Variants in GPD1L observed in about 807,000 individuals in gnomAD.
GPD1L encodes glycerol-3-phosphate dehydrogenase 1-like protein.
GPD1L carries 17 observed loss-of-function variants against 32.9 expected under a neutral mutation model. The observed-to-expected ratio is 0.52, with a 90% CI of 0.35 to 0.78. The LOEUF (loss-of-function observed/expected upper bound fraction) is 0.78, where lower values mean the gene tolerates loss of function less well. Ranked by LOEUF, GPD1L falls within the 30% of genes least tolerant of loss-of-function variation. The probability of loss-of-function intolerance (pLI) is 0.01; values close to 1 mark genes in which losing one functional copy is unlikely to be tolerated. For synonymous variants in GPD1L, 187 were observed against 165.9 expected (o/e 1.13, Z -0.98); for missense variants, 361 against 447.8 (o/e 0.81, Z 1.75).
intron 6 of GPD1L, 45 bp from the exon 7 acceptor site, chr3:32,159,523 G>T: frequency 9.3e-7 from 1 of 1,074,892 alleles, no homozygotes; most frequent in Non-Finnish European, 1.4e-6. Flanking sequence ...TGATTCTTTA[G>T]TCTTTACCAT....
intron 7 of GPD1L, among the ~76,000 whole-genome samples, chr3:32,164,604 A>C (rs1283056602): frequency 6.6e-6 from 1 of 152,244 alleles, no homozygotes; most frequent in Non-Finnish European, 1.5e-5. Context: ...ATGGGCAAAC[A>C]GGGTCAGAAG....
At chr3:32,109,071 A>G (rs929083539) in intron 1 of GPD1L, among the ~76,000 whole-genome samples, 5 of 151,904 alleles carry the variant, frequency 3.3e-5, no homozygotes, top group Non-Finnish European at 7.4e-5. Flanking sequence ...GGATGGTCTC[A>G]ATCTCCTGAC....
intron 1 of GPD1L, among the ~76,000 whole-genome samples, chr3:32,116,083 C>T (rs949308557): frequency 7.9e-5 from 12 of 152,018 alleles, no homozygotes; most frequent in South Asian, 2.1e-4. Context: ...CCACCGTGCC[C>T]GGCCAGGTTG....
At position 32,138,868 on chromosome 3, in the gene GPD1L, G is replaced by C. The variant is rs150334706; in HGVS notation, c.366+141G>C. 2.2e-4 allele frequency: 187 copies of C among 853,706 alleles called. 1 individual carries two copies. In the African/African-American group the frequency reaches 2.9e-3, roughly 13 times the overall value. 52.9% of individuals were successfully genotyped at this position (853,706 alleles called of 1,614,324 possible). On this transcript the variant is annotated intron_variant, in intron 3 of 7. Transcript: ENST00000282541. ...TTTGTGTTCTTAAAGATGCTCAAAA[G>C]TCATAAAAAAAATAAGACTAGTTTA...
chr3:32,113,399 A>T (rs1700281842), intron 1 of GPD1L, among the ~76,000 whole-genome samples: 1 of 152,120 alleles, frequency 6.6e-6, no homozygotes, highest in Non-Finnish European at 1.5e-5. Flanking sequence ...CAGAAAAGTC[A>T]CATATCTCCT....
chr3:32,162,189 T>A (rs1701082060), intron 7 of GPD1L, among the ~76,000 whole-genome samples: 2 of 152,148 alleles, frequency 1.3e-5, no homozygotes, highest in Non-Finnish European at 2.9e-5. Context: ...AACACCATGG[T>A]CCCTACCAGC....
chr3:32,123,791 A>AAGATAGACAGATAGAT (rs1553657794), intron 1 of GPD1L, among the ~76,000 whole-genome samples: 2 of 126,890 alleles, frequency 1.6e-5, no homozygotes, highest in Admixed American at 1.6e-4. Context: ...CAGGAATTGA[A>AAGATAGACAGATAGAT]AGATAGATAG....
At position 32,146,595 on chromosome 3, in the gene GPD1L, T is replaced by C. The variant is rs776878192; in HGVS notation, c.506-27T>C. On this transcript the variant is annotated intron_variant, in intron 4 of 7. Coordinates refer to ENST00000282541, the MANE Select transcript of GPD1L (RefSeq NM_015141.4). ...AATTAAGATTAGAGGCTGTTATTAA[T>C]ATCCTTGTTGTCTAACCTTTCAACA... 3.2e-6 allele frequency: 4 copies of C among 1,258,462 alleles called. No homozygotes were observed. The South Asian group carries it at 4.8e-5, about 15-fold the overall frequency. The allele number at this position is 1,258,462 out of a possible 1,614,324, so 78.0% of individuals were successfully genotyped here.
chr3:32,138,439 G>A, intron 2 of GPD1L, 148 bp from the exon 3 acceptor site: 1 of 823,504 alleles, frequency 1.2e-6, no homozygotes, highest in Non-Finnish European at 2.1e-6. Flanking sequence ...AATAAGGAAG[G>A]CAAAGCAAAC....
At chr3:32,165,048 A>G (rs1701126612) in intron 7 of GPD1L, among the ~76,000 whole-genome samples, 1 of 152,200 alleles carries the variant, frequency 6.6e-6, no homozygotes, top group South Asian at 2.1e-4. Context: ...TACTAAAAAT[A>G]CAAAAATTAG....
Position 32,167,881 on chromosome 3 carries a change from T to TC in GPD1L, c.*1973dup, listed in dbSNP as rs1451272333. 4.1e-4 allele frequency: 62 copies of TC among 152,258 alleles called. 1 individual carries two copies. The highest frequency in any genetic ancestry group is 2.6e-3 in the Admixed American group (39 of 15,290). The allele number at this position is 152,258 out of a possible 1,614,324, so 9.4% of individuals were successfully genotyped here. ...AAGTATACGAAAGCACACAAAACAC[T>TC]CCAAGTTTCAGCAGTTTTAGCGCCA... On this transcript the variant is annotated 3_prime_UTR_variant, in exon 8 of 8. Transcript: ENST00000282541.
chr3:32,159,802 T>G (rs72546644), intron 7 of GPD1L, 128 bp downstream of exon 7: 1 of 714,242 alleles, frequency 1.4e-6, no homozygotes, highest in Admixed American at 2.0e-5. Context: ...ATTAGTTCAG[T>G]CCTTTGTGTG....
intron 1 of GPD1L, among the ~76,000 whole-genome samples, chr3:32,109,065 G>C (rs1700209246): frequency 6.6e-6 from 1 of 152,098 alleles, no homozygotes; most frequent in Non-Finnish European, 1.5e-5. Context: ...TAGCCAGGAT[G>C]GTCTCAATCT....
At chr3:32,131,055 C>T (rs1218004316) in intron 2 of GPD1L, among the ~76,000 whole-genome samples, 1 of 151,862 alleles carries the variant, frequency 6.6e-6, no homozygotes, top group Admixed American at 6.6e-5. Flanking sequence ...AAAAAGAATG[C>T]TCATTATTTT....
chr3:32,126,802 G>A (rs1700514430), intron 1 of GPD1L, among the ~76,000 whole-genome samples: 1 of 152,194 alleles, frequency 6.6e-6, no homozygotes, highest in Admixed American at 6.5e-5. Context: ...TCATCAGGGA[G>A]CTTTAAAAAG....
At chr3:32,119,666 C>T (rs752386378) in intron 1 of GPD1L, among the ~76,000 whole-genome samples, 10 of 152,174 alleles carry the variant, frequency 6.6e-5, no homozygotes, top group Non-Finnish European at 1.0e-4. Flanking sequence ...CAAAGAATTA[C>T]GCAAAATGTT....
At chr3:32,131,658 A>G (rs1700588991) in intron 2 of GPD1L, among the ~76,000 whole-genome samples, 1 of 152,162 alleles carries the variant, frequency 6.6e-6, no homozygotes, top group Non-Finnish European at 1.5e-5. Flanking sequence ...TCATTGGTTG[A>G]TGGTCATTTG....
chr3:32,163,049 C>T (rs369661029), intron 7 of GPD1L, among the ~76,000 whole-genome samples: 6 of 152,028 alleles, frequency 3.9e-5, no homozygotes, highest in Admixed American at 6.5e-5. Context: ...TGAGCCACCA[C>T]GCCTGGCCTG....
At chr3:32,139,964 A>G (rs1700716506) in intron 3 of GPD1L, among the ~76,000 whole-genome samples, 1 of 152,224 alleles carries the variant, frequency 6.6e-6, no homozygotes, top group African/African-American at 2.4e-5. Context: ...CCTGGGGAGC[A>G]GGGGTAGAAG....
Sources: gnomAD v4.1 joint callset for allele counts (sites outside exome capture counted in the v4.1 genomes callset) on GRCh38, gnomAD v4.1.1 for gene constraint, MANE v1.5 for transcripts, NCBI Gene and HGNC (gene_info 2026-07-23, HGNC 2026-07-21) for gene names.